The following PRUNE2 variants were observed in gnomAD, a reference collection of about 807,000 sequenced individuals.
The protein encoded by PRUNE2 is prune homolog 2 with BCH domain.
A neutral mutation model predicts 252.0 loss-of-function variants in PRUNE2; 164 were observed. The ratio of observed to expected loss-of-function variants is 0.65; its 90% CI spans 0.57 to 0.74. The LOEUF is 0.74. Among genes scored for constraint, PRUNE2 ranks in the 30% least tolerant of loss-of-function variants. The pLI is 0.00. For synonymous variants in PRUNE2, 1,292 were observed against 1,350.2 expected, an observed-to-expected ratio of 0.96 and a Z score of 0.94; for missense variants, 3,495 against 3,711.0, an observed-to-expected ratio of 0.94 and a Z score of 1.51.
intron 6 of PRUNE2, among the ~76,000 whole-genome samples, chr9:76,718,543 T>C (rs2047358103): frequency 6.6e-6 from 1 of 152,182 alleles, no homozygotes; most frequent in Non-Finnish European, 1.5e-5. Context: ...CTTAATTCCT[T>C]CACCTTCCTG....
chr9:76,869,559 T>A (rs1451241394), intron 1 of PRUNE2, among the ~76,000 whole-genome samples: 1 of 152,188 alleles, frequency 6.6e-6, no homozygotes, highest in Non-Finnish European at 1.5e-5. Context: ...AAAATGTTTA[T>A]TAAAATACAC....
chr9:76,623,688 AT>A (rs1554766289), intron 17 of PRUNE2, among the ~76,000 whole-genome samples: 2 of 152,218 alleles, frequency 1.3e-5, no homozygotes, highest in Non-Finnish European at 1.5e-5. Context: ...GACAACCTCA[AT>A]ATTACAGTTT....
rs1402136545 is a variant in PRUNE2, at chr9:76,705,444, T to C, written c.6830A>G (p.Asn2277Ser). The change falls in exon 8 of 19, where the codon AAT becomes AGT. Residue 2277 changes from asparagine to serine, a missense_variant. Coordinates refer to ENST00000376718, the MANE Select transcript of PRUNE2 (RefSeq NM_015225.3). Reference protein sequence around the residue: ...FDGDPHLSTENPALVPDALLA... With the variant: ...FDGDPHLSTESPALVPDALLA... ...CAAAGCATCAGGAACCAAGGCAGGA[T>C]TCTCTGTGGATAAATGTGGATCACC... The C allele has an allele frequency of 1.2e-6, 2 of 1,613,986 alleles. No homozygotes were observed. Among genetic ancestry groups the C allele is most frequent in the Non-Finnish European group, 8.5e-7 (1 of 1,179,858 alleles).
At chr9:76,763,427 A>T (rs2051956863) in intron 6 of PRUNE2, among the ~76,000 whole-genome samples, 1 of 152,200 alleles carries the variant, frequency 6.6e-6, no homozygotes, top group Non-Finnish European at 1.5e-5. Flanking sequence ...TGCTTCTGGG[A>T]GTGCTCACCC....
rs749859268 is a variant in PRUNE2, at chr9:76,710,024, C to T, written c.2250G>A (p.Leu750=). ...TTGTTCCTTGGGGAGATGTATTTGG[C>T]AAAGGTGACTTCTCCATGGGCAGGT... The part of the protein sequence containing the change: ...FQNLPMEKSP[L]PNTSPQGTNH... The change falls in exon 8 of 19, where the codon TTG becomes TTA. Residue 750 remains leucine (L), a synonymous_variant. Coordinates refer to ENST00000376718, the MANE Select transcript of PRUNE2 (RefSeq NM_015225.3). 1 of 1,613,746 alleles carries T rather than the reference C, an allele frequency of 6.2e-7. No homozygotes were observed. Among genetic ancestry groups the T allele is most frequent in the South Asian group, 1.1e-5 (1 of 91,032 alleles).
At chr9:76,719,123 T>C (rs958544308) in intron 6 of PRUNE2, among the ~76,000 whole-genome samples, 1 of 145,336 alleles carries the variant, frequency 6.9e-6, no homozygotes, top group Non-Finnish European at 1.5e-5. Flanking sequence ...CTTTATTTTA[T>C]TTTTTTTCCA....
At position 76,885,673 on chromosome 9, in the gene PRUNE2, T is replaced by C. The variant is rs534506572; in HGVS notation, c.36+20255A>G. Among the ~76,000 whole-genome samples, 89 of 152,284 alleles carry C rather than the reference T, an allele frequency of 5.8e-4. No individual in the cohort carries two copies. The Middle Eastern group carries it at 0.01, about 17-fold the overall frequency. On this transcript the variant is annotated intron_variant, in intron 1 of 18. Transcript: ENST00000376718. ...AAAGGGCAGCAAAGTACGATGGCTATGCATGTAGACTTTGGAGTTCGACTG... is the reference window on the plus strand; with the variant it reads ...AAAGGGCAGCAAAGTACGATGGCTACGCATGTAGACTTTGGAGTTCGACTG...
chr9:76,706,199 G>T lies in PRUNE2; in HGVS notation c.6075C>A (p.Thr2025=). 6.2e-7 allele frequency: 1 copy of T among 1,613,868 alleles called. No homozygotes were observed. Among genetic ancestry groups the T allele is most frequent in the Non-Finnish European group, 8.5e-7 (1 of 1,179,798 alleles). The change falls in exon 8 of 19, where the codon ACC becomes ACA. Residue 2025 remains threonine, a synonymous_variant. Transcript: ENST00000376718. The stretch of plus-strand genomic sequence containing the variant: ...CAGAGCCTGGCTTCATTATCAGTTG[G>T]GTGGGAGAACTGACAGCAGGAAAAT... The part of the protein sequence containing the change: ...TENFPAVSSP[T]QLIMKPGSEW...
chr9:76,713,404 A>G (rs956170092), intron 7 of PRUNE2, among the ~76,000 whole-genome samples, 159 bp downstream of exon 7: 10 of 152,196 alleles, frequency 6.6e-5, no homozygotes, highest in Non-Finnish European at 1.0e-4. Flanking sequence ...GCCAAATGTA[A>G]AAAGTACCCC....
At chr9:76,867,100 G>A (rs2060888451) in intron 1 of PRUNE2, among the ~76,000 whole-genome samples, 1 of 152,140 alleles carries the variant, frequency 6.6e-6, no homozygotes, top group Admixed American at 6.5e-5. Flanking sequence ...AGCCTAGGCT[G>A]AGATTAGAGT....
intron 18 of PRUNE2, among the ~76,000 whole-genome samples, chr9:76,617,485 A>C (rs1830260284): frequency 6.6e-6 from 1 of 151,792 alleles, no homozygotes; most frequent in African/African-American, 2.4e-5. Flanking sequence ...AATACCAAAG[A>C]AAGCCAGAAA....
intron 12 of PRUNE2, among the ~76,000 whole-genome samples, chr9:76,643,144 C>CTGAT (rs906587115): frequency 3.3e-5 from 5 of 152,132 alleles, no homozygotes; most frequent in African/African-American, 1.2e-4. Flanking sequence ...TCATTCTCTC[C>CTGAT]TGATTCAGAC....
At chr9:76,680,268 C>T (rs1273684134) in intron 9 of PRUNE2, among the ~76,000 whole-genome samples, 2 of 152,146 alleles carry the variant, frequency 1.3e-5, no homozygotes, top group African/African-American at 4.8e-5. Flanking sequence ...CTCCACATCA[C>T]TAATCATTAG....
intron 9 of PRUNE2, among the ~76,000 whole-genome samples, chr9:76,675,218 G>GA (rs1194759928): frequency 1.7e-5 from 1 of 58,696 alleles, no homozygotes; most frequent in East Asian, 5.3e-4. Context: ...AAATTTACAA[G>GA]AAAAAAACAA....
rs1411750174 is a variant in PRUNE2, at chr9:76,858,765, AAAAAAAAGAAAG to A, written c.37-4569_37-4558del. On this transcript the variant is annotated intron_variant, in intron 1 of 18. Transcript: ENST00000376718. Reference sequence around the variant, plus strand: ...CAGAACTTAAGGTATAATTAAAAAAAAAAAAAAGAAAGAAAAAAAAAGAAAGTGGCATTTGAG... The same window carrying A: ...CAGAACTTAAGGTATAATTAAAAAAAAAAAAAAAAGAAAGTGGCATTTGAG... Among the ~76,000 whole-genome samples the A allele has an allele frequency of 7.3e-3, 1,113 of 151,982 alleles. 10 individuals carry two copies. The highest frequency in any genetic ancestry group is 0.024 in the African/African-American group (1,007 of 41,432).
chr9:76,849,233 T>C (rs1198616407), intron 3 of PRUNE2, among the ~76,000 whole-genome samples: 2 of 152,134 alleles, frequency 1.3e-5, no homozygotes, highest in African/African-American at 4.8e-5. Flanking sequence ...TTTGGACAAG[T>C]CGTTTGTGAC....
At chr9:76,871,121 G>GC (rs778626269) in intron 1 of PRUNE2, among the ~76,000 whole-genome samples, 1 of 152,158 alleles carries the variant, frequency 6.6e-6, no homozygotes, top group Non-Finnish European at 1.5e-5. Flanking sequence ...CAAAGCCTGT[G>GC]CATTTAAGGA....
intron 6 of PRUNE2, among the ~76,000 whole-genome samples, chr9:76,815,506 T>C (rs1306318515): frequency 6.6e-6 from 1 of 152,180 alleles, no homozygotes; most frequent in Non-Finnish European, 1.5e-5. Context: ...AGCCGTTTTA[T>C]AAAGGCACTC....
intron 4 of PRUNE2, among the ~76,000 whole-genome samples, chr9:76,828,105 T>A (rs2058450952): frequency 6.6e-6 from 1 of 152,150 alleles, no homozygotes; most frequent in Admixed American, 6.5e-5. Flanking sequence ...TAAGAAATAT[T>A]ATGGGTGAAA....
Sources: gnomAD v4.1 joint callset for allele counts (sites outside exome capture counted in the v4.1 genomes callset) on GRCh38, gnomAD v4.1.1 for gene constraint, MANE v1.5 for transcripts, NCBI Gene and HGNC (gene_info 2026-07-23, HGNC 2026-07-21) for gene names.